Variants in MIDEAS observed in about 807,000 individuals in gnomAD.
MIDEAS encodes the protein mitotic deacetylase-associated SANT domain protein.
In MIDEAS, 26 loss-of-function variants were observed where a neutral mutation model predicts 102.7. That is an observed-to-expected ratio of 0.25 (90% confidence interval 0.19 to 0.35). The LOEUF (loss-of-function observed/expected upper bound fraction) is 0.35, where lower values mean the gene tolerates loss of function less well. Among genes scored for constraint, MIDEAS ranks in the 10% least tolerant of loss-of-function variants. MIDEAS has a pLI of 1.00. For synonymous variants in MIDEAS, 585 were observed against 591.0 expected (o/e 0.99, Z 0.15); for missense variants, 1,231 against 1,435.6 (o/e 0.86, Z 2.30).
At chr14:73,780,082 G>A (rs1226237977) in intron 1 of MIDEAS, among the ~76,000 whole-genome samples, 1 of 149,538 alleles carries the variant, frequency 6.7e-6, no homozygotes, top group Non-Finnish European at 1.5e-5. Context: ...CACCGTGTTA[G>A]CCAGGATGGT....
rs2053524122 is a variant in MIDEAS, at chr14:73,759,140, G to A, written c.-248+623C>T. Among the ~76,000 whole-genome samples the A allele has an allele frequency of 6.6e-6, 1 of 152,178 alleles. No individual in the cohort carries two copies. Among genetic ancestry groups the A allele is most frequent in the Non-Finnish European group, 1.5e-5 (1 of 68,012 alleles). On this transcript the variant is annotated intron_variant, in intron 1 of 12. Transcript: ENST00000423556. The surrounding 1 kb of genome is among the most constrained non-coding windows in gnomAD (Gnocchi z 6.7). ...GCCCGCGCGAAGCGCTCCAGCCTAG[G>A]CCTCTGCTGACTGCATTTGCCCCAG...
chr14:73,767,139 G>A (rs2140164123), intron 1 of MIDEAS, among the ~76,000 whole-genome samples: 1 of 152,316 alleles, frequency 6.6e-6, no homozygotes. Flanking sequence ...ACAGGCGTGA[G>A]CCACCACTCC....
intron 1 of MIDEAS, among the ~76,000 whole-genome samples, chr14:73,743,985 A>G (rs993575443): frequency 6.6e-6 from 1 of 152,030 alleles, no homozygotes; most frequent in African/African-American, 2.4e-5. Context: ...CCTGGGACCT[A>G]GCAGGCTTTC....
chr14:73,755,367 C>A (rs1212666804), intron 1 of MIDEAS, among the ~76,000 whole-genome samples: 1 of 152,182 alleles, frequency 6.6e-6, no homozygotes, highest in African/African-American at 2.4e-5. Flanking sequence ...TGGCAACTTT[C>A]TTCTTATATA....
In MIDEAS at chr14:73,721,992, T is replaced by C. The variant is rs367594133; in HGVS notation, c.2725-483A>G. ...ATGATGCTAGGTGGATACATGGACATAGGATTAAGTAACCTTCCCTTTTAA... is the reference window on the plus strand; with the variant it reads ...ATGATGCTAGGTGGATACATGGACACAGGATTAAGTAACCTTCCCTTTTAA... On this transcript the variant is annotated intron_variant, in intron 10 of 12. Coordinates refer to ENST00000423556, the MANE Select transcript of MIDEAS (RefSeq NM_001367710.1). Among the ~76,000 whole-genome samples, 156 of 152,286 alleles carry C rather than the reference T, an allele frequency of 1.0e-3. 1 individual carries two copies. The highest frequency in any genetic ancestry group is 3.6e-3 in the African/African-American group (148 of 41,560).
chr14:73,754,649 C>T (rs2053459070), intron 1 of MIDEAS, among the ~76,000 whole-genome samples: 1 of 152,160 alleles, frequency 6.6e-6, no homozygotes, highest in African/African-American at 2.4e-5. Flanking sequence ...AATGGTTTCC[C>T]AGCTCTGGAA....
intron 1 of MIDEAS, among the ~76,000 whole-genome samples, chr14:73,786,253 C>G (rs1484553021): frequency 6.6e-6 from 1 of 152,222 alleles, no homozygotes; most frequent in Non-Finnish European, 1.5e-5. Context: ...CTCAGCTGTT[C>G]TTTAAAAAAC....
intron 1 of MIDEAS, chr14:73,754,959 G>A (rs1320500181): frequency 6.6e-6 from 1 of 152,204 alleles, no homozygotes; most frequent in Non-Finnish European, 1.5e-5. Context: ...GCTTTAGAGA[G>A]AAGCCCCTTC....
At chr14:73,758,468 G>A (rs943409535) in intron 1 of MIDEAS, among the ~76,000 whole-genome samples, 2 of 152,208 alleles carry the variant, frequency 1.3e-5, no homozygotes, top group African/African-American at 4.8e-5. Context: ...GAAGATCCCA[G>A]ATCACCTGGC....
chr14:73,745,534 TG>T (rs1456442887), intron 1 of MIDEAS, among the ~76,000 whole-genome samples: 1 of 152,136 alleles, frequency 6.6e-6, no homozygotes, highest in Non-Finnish European at 1.5e-5. Flanking sequence ...ATGGCCCAGC[TG>T]GCCCCCTCAT....
Position 73,738,773 on chromosome 14 carries a change from A to C in MIDEAS, c.1236T>G (p.Asp412Glu), listed in dbSNP as rs2053238957. The C allele has an allele frequency of 1.3e-6, 2 of 1,591,684 alleles. No individual in the cohort carries two copies. The highest frequency in any genetic ancestry group is 1.7e-6 in the Non-Finnish European group (2 of 1,167,594). Residue 412 changes from aspartate (D) to glutamate (E), a missense_variant, in exon 2 of 13, where the codon GAT (aspartate) becomes GAG (glutamate). Physicochemically the swap from Asp to Glu is conservative, Grantham distance 45 (BLOSUM62 2). Coordinates refer to ENST00000423556, the MANE Select transcript of MIDEAS (RefSeq NM_001367710.1). ...LELRESQLLP[D>E]GERLAPNGRE... Reference sequence around the variant, plus strand: ...GGCCATTGGGTGCTAGTCTCTCCCCATCAGGCAGTAGCTGCGACTCCCTCA... The same window carrying C: ...GGCCATTGGGTGCTAGTCTCTCCCCCTCAGGCAGTAGCTGCGACTCCCTCA...
At chr14:73,788,424 A>T (rs1368285326), upstream of MIDEAS, among the ~76,000 whole-genome samples, 1 of 152,176 alleles carries the variant, frequency 6.6e-6, no homozygotes, top group Non-Finnish European at 1.5e-5. Flanking sequence ...AGAAAGGTGG[A>T]TGTAAGACTG....
At position 73,725,953 on chromosome 14, in the gene MIDEAS, A is replaced by T; in HGVS notation, c.2485+80T>A. 1 of 1,244,212 alleles carries T rather than the reference A, an allele frequency of 8.0e-7. No homozygotes were observed. Among genetic ancestry groups the T allele is most frequent in the South Asian group, 1.3e-5 (1 of 77,922 alleles). The allele number at this position is 1,244,212 out of a possible 1,614,324, so 77.1% of individuals were successfully genotyped here. A position where few individuals can be genotyped will look rare whatever the true frequency, so the allele number is the denominator to read the frequency against. The stretch of plus-strand genomic sequence containing the variant: ...CCTCCCGCCCCCACCCAGGGCTGTG[A>T]CTCAGCACTGAGCAGGGCCCCATGG... On this transcript the variant is annotated intron_variant, in intron 8 of 12. Transcript: ENST00000423556. The surrounding 1 kb of genome is among the most constrained non-coding windows in gnomAD (Gnocchi z 4.1).
chr14:73,725,612 G>C lies in MIDEAS; in HGVS notation c.2486-252C>G, dbSNP rs2053050660. Among the ~76,000 whole-genome samples, 1 of 152,212 alleles carries C rather than the reference G, an allele frequency of 6.6e-6. No individual in the cohort carries two copies. Among genetic ancestry groups the C allele is most frequent in the Non-Finnish European group, 1.5e-5 (1 of 68,038 alleles). On this transcript the variant is annotated intron_variant, in intron 8 of 12. Transcript: ENST00000423556. This position sits in a 1 kb window ranked among gnomAD's most constrained non-coding sequence, Gnocchi z 4.1. ...ATGCATGTGAAACCCTTGGTGCTCT[G>C]CCTGGTGCAGATGAAATGTAGCACT... is the stretch of plus-strand genomic sequence containing the variant.
intron 1 of MIDEAS, among the ~76,000 whole-genome samples, chr14:73,777,366 C>T (rs1386617107): frequency 1.3e-5 from 2 of 152,024 alleles, no homozygotes; most frequent in Non-Finnish European, 2.9e-5. Context: ...CAGTGAGCCA[C>T]CAGATAGCCT....
intron 11 of MIDEAS, among the ~76,000 whole-genome samples, chr14:73,720,571 A>G (rs531733827): frequency 6.6e-6 from 1 of 152,226 alleles, no homozygotes; most frequent in African/African-American, 2.4e-5. Flanking sequence ...CTAAAAAAAA[A>G]GACTCTAAAA....
intron 3 of MIDEAS, 110 bp from the exon 4 acceptor site, chr14:73,730,095 AC>A: frequency 1.8e-6 from 2 of 1,093,240 alleles, no homozygotes; most frequent in South Asian, 1.4e-5. Context: ...TGCCTACCAC[AC>A]CCACCAAGGC....
At position 73,752,538 on chromosome 14, in the gene MIDEAS, T is replaced by C. The variant is rs956349986; in HGVS notation, c.-248+7225A>G. Among the ~76,000 whole-genome samples the C allele has an allele frequency of 2.0e-5, 3 of 152,066 alleles. No homozygotes were observed. In the South Asian group the frequency reaches 6.2e-4, roughly 32 times the overall value. On this transcript the variant is annotated intron_variant, in intron 1 of 12. Transcript: ENST00000423556. ...GTGAGAGTAAAGAACGGGGGCAATA[T>C]GGCTCCCTAGTACATGCTAGCGACC...
chr14:73,721,628 C>G (rs2052995696), intron 10 of MIDEAS, 119 bp from the exon 11 acceptor site: 3 of 855,590 alleles, frequency 3.5e-6, no homozygotes, highest in Non-Finnish European at 5.7e-6. Flanking sequence ...CTGGCTGGCC[C>G]AGCATAGTCT....
Sources: gnomAD v4.1 joint callset for allele counts (sites outside exome capture counted in the v4.1 genomes callset) on GRCh38, gnomAD v4.1.1 for gene constraint, Gnocchi (gnomAD v3.1) non-coding constraint, MANE v1.5 for transcripts, NCBI Gene and HGNC (gene_info 2026-07-23, HGNC 2026-07-21) for gene names.